Variants in KAZN observed in about 807,000 individuals in gnomAD.
KAZN encodes kazrin.
KAZN carries 40 observed loss-of-function variants against 87.4 expected under a neutral mutation model. That is an observed-to-expected ratio of 0.46 (90% CI 0.36 to 0.60). The LOEUF (loss-of-function observed/expected upper bound fraction) is 0.60. Ranked by LOEUF, KAZN falls within the 20% of genes least tolerant of loss-of-function variation. The pLI, the probability that KAZN is intolerant of heterozygous loss-of-function variation, is 0.00. For missense variants in KAZN, 898 were observed against 1,073.9 expected (o/e 0.84, Z 2.29); for synonymous variants, 466 against 458.3 (o/e 1.02, Z -0.22).
intron 1 of KAZN, among the ~76,000 whole-genome samples, chr1:14,752,554 G>T (rs2100498202): frequency 6.6e-6 from 1 of 152,304 alleles, no homozygotes; most frequent in Admixed American, 6.5e-5. Context: ...CTACTTCCAA[G>T]ATAGCGCCTT....
chr1:14,947,694 C>T (rs1221944582), intron 1 of KAZN, among the ~76,000 whole-genome samples: 2 of 126,052 alleles, frequency 1.6e-5, no homozygotes, highest in African/African-American at 3.4e-5. Flanking sequence ...CCTGTTGAAG[C>T]CTCCATTACT....
intron 1 of KAZN, among the ~76,000 whole-genome samples, chr1:14,755,087 CA>C (rs3032756): frequency 0.088 from 10,156 of 115,470 alleles, 440 homozygotes; most frequent in East Asian, 0.22. Context: ...ACTAAAAATG[CA>C]AAAAAAAAAA....
chr1:15,012,513 A>C (rs893709595), intron 2 of KAZN, among the ~76,000 whole-genome samples: 2 of 152,212 alleles, frequency 1.3e-5, no homozygotes, highest in Non-Finnish European at 2.9e-5. Flanking sequence ...TTTGCCCTAA[A>C]GCTAGACAAC....
intron 1 of KAZN, among the ~76,000 whole-genome samples, chr1:14,172,971 A>T (rs1234984215): frequency 6.6e-6 from 1 of 152,132 alleles, no homozygotes; most frequent in African/African-American, 2.4e-5. Flanking sequence ...CTTCTCCCAG[A>T]AGGAGCATTC....
intron 1 of KAZN, among the ~76,000 whole-genome samples, chr1:13,979,541 C>T (rs1346822841): frequency 1.3e-5 from 2 of 152,176 alleles, no homozygotes; most frequent in East Asian, 3.8e-4. Context: ...TAGATGGAAG[C>T]ATGGTTATCC....
rs375694089 is a variant in KAZN at position 14,995,954 on chromosome 1, G to A, written c.418+35079G>A. Among the ~76,000 whole-genome samples the A allele has an allele frequency of 4.7e-4, 71 of 152,208 alleles. 1 individual carries two copies. In the South Asian group the frequency reaches 0.014, roughly 31 times the overall value. On this transcript the variant is annotated intron_variant, in intron 2 of 14. Transcript: ENST00000376030. ...ACAGTGTGGATTTCCAACTTGTCCT[G>A]GAAAATAAGCCGGTCCGGCCACCTG...
intron 2 of KAZN, among the ~76,000 whole-genome samples, chr1:14,500,755 C>T (rs1217238306): frequency 6.6e-6 from 1 of 152,008 alleles, no homozygotes; most frequent in East Asian, 1.9e-4. Context: ...GTAGACATTA[C>T]TACCTACCTC....
rs147224475 is a variant in KAZN, at chr1:14,865,222, GA to G, written c.227-95460del. ...ACTTCCCATCTGGAGGCACCAAGAG[GA>G]AGAGACTTTTCCAGAGAAATGTAGC... On this transcript the variant is annotated intron_variant, in intron 1 of 14. Transcript: ENST00000376030. Among the ~76,000 whole-genome samples, 103 of 152,288 alleles carry G rather than the reference GA, an allele frequency of 6.8e-4. 1 individual carries two copies. In the East Asian group the frequency reaches 0.014, roughly 21 times the overall value.
chr1:14,281,618 C>G (rs563096498), intron 2 of KAZN, among the ~76,000 whole-genome samples: 1 of 152,288 alleles, frequency 6.6e-6, no homozygotes, highest in African/African-American at 2.4e-5. Context: ...CCTTCCTTCT[C>G]CCACCTTATC....
At chr1:14,084,297 A>G (rs1426306044) in intron 1 of KAZN, among the ~76,000 whole-genome samples, 1 of 152,168 alleles carries the variant, frequency 6.6e-6, no homozygotes, top group Non-Finnish European at 1.5e-5. Context: ...GGAACTCTGG[A>G]AGAAGTCCAG....
chr1:14,134,841 A>G (rs1034764882), intron 1 of KAZN, among the ~76,000 whole-genome samples: 3 of 152,086 alleles, frequency 2.0e-5, no homozygotes, highest in African/African-American at 4.8e-5. Flanking sequence ...ATAAAGACGG[A>G]AAATGGAAAG....
At chr1:14,971,883 A>G (rs1466435865) in intron 2 of KAZN, among the ~76,000 whole-genome samples, 1 of 152,058 alleles carries the variant, frequency 6.6e-6, no homozygotes, top group Non-Finnish European at 1.5e-5. Flanking sequence ...CACACCAGAC[A>G]GAAGTTTTTC....
intron 2 of KAZN, among the ~76,000 whole-genome samples, chr1:14,504,163 T>C (rs745324234): frequency 1.3e-5 from 2 of 152,236 alleles, no homozygotes; most frequent in Non-Finnish European, 2.9e-5. Context: ...TATCACGGTT[T>C]GTGTTTGTAG....
chr1:14,081,106 G>GTT (rs36056101), intron 1 of KAZN, among the ~76,000 whole-genome samples: 34 of 143,760 alleles, frequency 2.4e-4, no homozygotes, highest in East Asian at 4.0e-4. Flanking sequence ...CATGGTGTTG[G>GTT]TTTTTTTTTT....
chr1:14,599,905 G>A lies in KAZN; in HGVS notation c.226+682G>A, dbSNP rs916566663. 1.3e-5 allele frequency among the ~76,000 whole-genome samples: 2 copies of A among 152,016 alleles called. No individual in the cohort carries two copies. Among genetic ancestry groups the A allele is most frequent in the Non-Finnish European group, 2.9e-5 (2 of 68,020 alleles). On this transcript the variant is annotated intron_variant, in intron 1 of 14. Transcript: ENST00000376030. The surrounding 1 kb of genome is among the most constrained non-coding windows in gnomAD (Gnocchi z 4.4). ...TAGAGAAATGAAGGCTTAGGGTGGT[G>A]GGCTGCAGGGAGCCCGTTTGAAGGG... is the stretch of plus-strand genomic sequence containing the variant.
intron 1 of KAZN, among the ~76,000 whole-genome samples, chr1:14,803,058 G>A (rs1050423789): frequency 3.3e-5 from 5 of 152,194 alleles, no homozygotes; most frequent in Admixed American, 6.5e-5. Context: ...GTATGCAAAT[G>A]TGATTTAAAA....
intron 1 of KAZN, among the ~76,000 whole-genome samples, chr1:14,733,947 A>G (rs1643802388): frequency 1.3e-5 from 2 of 152,110 alleles, no homozygotes; most frequent in African/African-American, 4.8e-5. Context: ...GGCACACCAT[A>G]GGGCTGCGCA....
chr1:14,679,878 T>TA (rs1302555191), intron 1 of KAZN, among the ~76,000 whole-genome samples: 2 of 152,026 alleles, frequency 1.3e-5, no homozygotes, highest in African/African-American at 4.8e-5. Context: ...TTGAGCATAA[T>TA]AAGTGAGGAG....
intron 1 of KAZN, among the ~76,000 whole-genome samples, chr1:14,102,270 T>C (rs1181020476): frequency 6.6e-6 from 1 of 152,096 alleles, no homozygotes; most frequent in African/African-American, 2.4e-5. Flanking sequence ...TCGCTAATCA[T>C]GGTTAACTTC....
Sources: allele counts gnomAD v4.1 joint callset (sites outside exome capture counted in the v4.1 genomes callset), GRCh38; gene constraint gnomAD v4.1.1; non-coding constraint Gnocchi (gnomAD v3.1); transcripts MANE v1.5; gene names NCBI Gene and HGNC (gene_info 2026-07-23, HGNC 2026-07-21).